The following TMEM132C variants were observed in gnomAD, a reference collection of about 807,000 sequenced individuals.
The protein encoded by TMEM132C is transmembrane protein 132C, also known as protein phosphatase 1, regulatory subunit 152.
TMEM132C carries 29 observed loss-of-function variants against 61.4 expected under a neutral mutation model. The ratio of observed to expected loss-of-function variants is 0.47; its 90% confidence interval spans 0.35 to 0.64. The LOEUF is 0.64. TMEM132C is among the 30% of genes least tolerant of loss of function. The pLI is 0.00. For synonymous variants in TMEM132C, 656 were observed against 633.1 expected (o/e 1.04, Z -0.54); for missense variants, 1,408 against 1,476.9 (o/e 0.95, Z 0.76).
Position 128,705,755 on chromosome 12 carries a change from C to G in TMEM132C, c.2787C>G (p.Ala929=), listed in dbSNP as rs1271855197. 1 of 1,551,338 alleles carries G rather than the reference C, an allele frequency of 6.4e-7. No individual in the cohort carries two copies. The highest frequency in any genetic ancestry group is 8.7e-7 in the Non-Finnish European group (1 of 1,147,008). ...GLSDLEIGMY[A]LLGVFCLAIL... ...GTGATCTGGAGATAGGGATGTACGC[C>G]CTCCTGGGGGTGTTCTGCCTGGCCA... The change falls in exon 9 of 9, where the codon GCC becomes GCG. Residue 929 remains alanine, a synonymous_variant. Coordinates refer to ENST00000435159, the MANE Select transcript of TMEM132C (RefSeq NM_001136103.3).
intron 3 of TMEM132C, among the ~76,000 whole-genome samples, chr12:128,614,728 G>T (rs775834829): frequency 4.6e-5 from 7 of 152,194 alleles, no homozygotes; most frequent in Non-Finnish European, 5.9e-5. Context: ...ATTCTTAGTT[G>T]CAGACAAAGA....
At chr12:128,308,199 C>T (rs1182728365) in intron 1 of TMEM132C, among the ~76,000 whole-genome samples, 1 of 152,250 alleles carries the variant, frequency 6.6e-6, no homozygotes, top group Non-Finnish European at 1.5e-5. Context: ...ATCTCAGCTC[C>T]TAAATCCAGT....
intron 7 of TMEM132C, 112 bp from the exon 8 acceptor site, chr12:128,697,112 C>T: frequency 1.1e-6 from 1 of 916,380 alleles, no homozygotes; most frequent in Non-Finnish European, 1.6e-6. Context: ...AACTCCTTTG[C>T]CCTGTATTCT....
chr12:128,541,390 G>A (rs1355356607), intron 2 of TMEM132C, among the ~76,000 whole-genome samples: 4 of 152,158 alleles, frequency 2.6e-5, no homozygotes, highest in Non-Finnish European at 5.9e-5. Flanking sequence ...GGTCAGTGGT[G>A]ATGAGCCCCT....
intron 2 of TMEM132C, among the ~76,000 whole-genome samples, chr12:128,502,296 G>A (rs1234073174): frequency 6.6e-6 from 1 of 152,194 alleles, no homozygotes; most frequent in East Asian, 1.9e-4. Flanking sequence ...CCTTGAAGTG[G>A]TACAAGCCAG....
At chr12:128,394,631 G>A (rs924007858) in intron 1 of TMEM132C, among the ~76,000 whole-genome samples, 9 of 152,176 alleles carry the variant, frequency 5.9e-5, no homozygotes, top group African/African-American at 1.7e-4. Context: ...TTGGATGCTC[G>A]TATATTCATG....
At chr12:128,337,336 T>G (rs1478362244) in intron 1 of TMEM132C, among the ~76,000 whole-genome samples, 1 of 152,224 alleles carries the variant, frequency 6.6e-6, no homozygotes, top group Non-Finnish European at 1.5e-5. Context: ...TTTCTATTGT[T>G]CGCGGGGACT....
rs1223450841 is a variant in TMEM132C at position 128,696,089 on chromosome 12, A to G, written c.1915A>G (p.Met639Val). 1 of 1,551,482 alleles carries G rather than the reference A, an allele frequency of 6.4e-7. No individual in the cohort carries two copies. The highest frequency in any genetic ancestry group is 1.2e-5 in the South Asian group (1 of 84,036). The change falls in exon 7 of 9, where the codon ATG (methionine) becomes GTG (valine). Residue 639 changes from methionine to valine, a missense_variant. Coordinates refer to ENST00000435159, the MANE Select transcript of TMEM132C (RefSeq NM_001136103.3). ...SRVLVGREVG[M>V]TTIQVLSPLS... ...GGTCCTGGTTGGGCGAGAGGTTGGG[A>G]TGACGACCATCCAGGTAGGAAGCTG...
At chr12:128,695,217 A>T (rs1488692158) in intron 6 of TMEM132C, among the ~76,000 whole-genome samples, 1 of 152,116 alleles carries the variant, frequency 6.6e-6, no homozygotes, top group Non-Finnish European at 1.5e-5. Flanking sequence ...TCTAATTTTT[A>T]TTTATTTAAA....
At chr12:128,566,740 G>C (rs1183939138) in intron 3 of TMEM132C, among the ~76,000 whole-genome samples, 1 of 152,200 alleles carries the variant, frequency 6.6e-6, no homozygotes. Flanking sequence ...AGTTCGTACT[G>C]TATGGTGCCT....
chr12:128,522,403 C>T (rs1245823293), intron 2 of TMEM132C, among the ~76,000 whole-genome samples: 1 of 152,224 alleles, frequency 6.6e-6, no homozygotes, highest in African/African-American at 2.4e-5. Context: ...GCCCGGCACT[C>T]TGCCTTCTCT....
intron 3 of TMEM132C, among the ~76,000 whole-genome samples, chr12:128,597,856 T>C (rs1309639719): frequency 1.3e-5 from 2 of 152,146 alleles, no homozygotes; most frequent in South Asian, 4.2e-4. Flanking sequence ...TTGACTTCTA[T>C]AGGGAGCAAA....
chr12:128,387,888 G>T (rs555672557), intron 1 of TMEM132C, among the ~76,000 whole-genome samples: 1 of 152,226 alleles, frequency 6.6e-6, no homozygotes, highest in African/African-American at 2.4e-5. Flanking sequence ...CCGTGCAGGC[G>T]GGAGTCGCCC....
At chr12:128,394,520 T>C (rs928767498) in intron 1 of TMEM132C, among the ~76,000 whole-genome samples, 1 of 152,222 alleles carries the variant, frequency 6.6e-6, no homozygotes, top group Non-Finnish European at 1.5e-5. Context: ...ACAACTTGGG[T>C]TAACCCATCT....
Position 128,384,925 on chromosome 12 carries a change from C to T in TMEM132C, c.86-29807C>T, listed in dbSNP as rs191199714. Among the ~76,000 whole-genome samples the T allele has an allele frequency of 2.0e-3, 302 of 152,320 alleles. 1 individual carries two copies. The highest frequency in any genetic ancestry group is 7.1e-3 in the African/African-American group (295 of 41,584). ...CTGCCACGCAGGACGTGGTCCTCTC[C>T]GGGCTCCTAAAGCCTTCACGGCCAC... On this transcript the variant is annotated intron_variant, in intron 1 of 8. Coordinates refer to ENST00000435159, the MANE Select transcript of TMEM132C (RefSeq NM_001136103.3).
At chr12:128,324,836 T>C (rs1872452977) in intron 1 of TMEM132C, among the ~76,000 whole-genome samples, 1 of 152,074 alleles carries the variant, frequency 6.6e-6, no homozygotes, top group Admixed American at 6.5e-5. Flanking sequence ...TCAAAAAAAT[T>C]TTAAAAAAAA....
At chr12:128,270,620 T>A (rs1245704237) in intron 1 of TMEM132C, among the ~76,000 whole-genome samples, 2 of 152,172 alleles carry the variant, frequency 1.3e-5, no homozygotes, top group Admixed American at 6.5e-5. Flanking sequence ...GAGAAGCCCC[T>A]CTCAACTCAC....
chr12:128,635,145 C>A (rs1954092886), intron 4 of TMEM132C, among the ~76,000 whole-genome samples: 1 of 152,182 alleles, frequency 6.6e-6, no homozygotes, highest in African/African-American at 2.4e-5. Flanking sequence ...GTGTTCCTGA[C>A]ATTATCTCCA....
chr12:128,497,689 A>G (rs1301883819), intron 2 of TMEM132C, among the ~76,000 whole-genome samples: 1 of 152,174 alleles, frequency 6.6e-6, no homozygotes, highest in African/African-American at 2.4e-5. Flanking sequence ...AAAGCGCAGT[A>G]TTAGGGTGAG....
Sources: allele counts gnomAD v4.1 joint callset (sites outside exome capture counted in the v4.1 genomes callset), GRCh38; gene constraint gnomAD v4.1.1; transcripts MANE v1.5; gene names NCBI Gene and HGNC (gene_info 2026-07-23, HGNC 2026-07-21).